The following DLG2 variants were observed in gnomAD, a reference collection of about 807,000 sequenced individuals.
DLG2 encodes the protein disks large homolog 2.
Under a neutral mutation model 132.5 loss-of-function variants are expected in DLG2, and 45 were observed. The ratio of observed to expected loss-of-function variants is 0.34; its 90% CI spans 0.27 to 0.44. The LOEUF is 0.44. DLG2 is among the 20% of genes least tolerant of loss of function. The pLI is 1.00. For synonymous variants in DLG2, 424 were observed against 419.6 expected, an observed-to-expected ratio of 1.01 and a Z score of -0.13; for missense variants, 1,045 against 1,196.9, an observed-to-expected ratio of 0.87 and a Z score of 1.87.
At chr11:85,466,014 G>A (rs2092776270) in intron 3 of DLG2, among the ~76,000 whole-genome samples, 1 of 152,126 alleles carries the variant, frequency 6.6e-6, no homozygotes. Flanking sequence ...GGCGTGAGAT[G>A]GTATCTCATT....
chr11:84,612,093 T>G (rs2154537808), intron 6 of DLG2, among the ~76,000 whole-genome samples: 1 of 152,288 alleles, frequency 6.6e-6, no homozygotes, highest in East Asian at 1.9e-4. Context: ...CTCTTTCCCT[T>G]TACAACTTTT....
chr11:84,137,497 G>T (rs1260791249), intron 9 of DLG2, among the ~76,000 whole-genome samples: 1 of 151,986 alleles, frequency 6.6e-6, no homozygotes, highest in Non-Finnish European at 1.5e-5. Context: ...CACATCTTGT[G>T]TTCGTTATTA....
At chr11:84,506,076 G>GTTTTTTTTTTTTT (rs559086542) in intron 7 of DLG2, among the ~76,000 whole-genome samples, 2 of 91,414 alleles carry the variant, frequency 2.2e-5, no homozygotes, top group African/African-American at 1.4e-4. Context: ...CAGAGGCTCA[G>GTTTTTTTTTTTTT]TTCTTTTTTT....
intron 6 of DLG2, among the ~76,000 whole-genome samples, chr11:84,741,365 T>G (rs564491634): frequency 1.3e-5 from 2 of 152,206 alleles, no homozygotes; most frequent in East Asian, 3.9e-4. Context: ...CCTATGCTCT[T>G]AATAAGAGTA....
intron 18 of DLG2, among the ~76,000 whole-genome samples, chr11:83,771,062 C>T (rs769872187): frequency 7.9e-5 from 12 of 152,292 alleles, no homozygotes; most frequent in Non-Finnish European, 1.3e-4. Flanking sequence ...TCTCCCACAC[C>T]CCTCCCAATA....
At chr11:85,520,498 C>T (rs2074213597) in intron 3 of DLG2, among the ~76,000 whole-genome samples, 1 of 131,556 alleles carries the variant, frequency 7.6e-6, no homozygotes, top group Admixed American at 8.1e-5. Flanking sequence ...AAAAATAGTC[C>T]TAAAATGTAT....
At chr11:83,642,696 T>C (rs1261069108) in intron 18 of DLG2, among the ~76,000 whole-genome samples, 3 of 152,180 alleles carry the variant, frequency 2.0e-5, no homozygotes, top group Admixed American at 2.0e-4. Context: ...CTTCCTGAAG[T>C]TGGCAAAGCT....
At chr11:85,056,220 G>A (rs995357101) in intron 6 of DLG2, among the ~76,000 whole-genome samples, 2 of 151,988 alleles carry the variant, frequency 1.3e-5, no homozygotes, top group African/African-American at 4.8e-5. Flanking sequence ...GCATCCCTAA[G>A]ATATGGGTAC....
At chr11:85,474,403 A>T (rs977323790) in intron 3 of DLG2, among the ~76,000 whole-genome samples, 1 of 152,028 alleles carries the variant, frequency 6.6e-6, no homozygotes, top group Non-Finnish European at 1.5e-5. Flanking sequence ...ACAAGAAAAA[A>T]TTAACAAGTT....
intron 6 of DLG2, among the ~76,000 whole-genome samples, chr11:84,630,255 G>T (rs929014609): frequency 1.3e-5 from 2 of 152,188 alleles, no homozygotes; most frequent in African/African-American, 4.8e-5. Flanking sequence ...AGGAGCCTAT[G>T]TCTGAGTAAA....
At chr11:83,979,520 C>T (rs1447419457) in intron 12 of DLG2, among the ~76,000 whole-genome samples, 1 of 152,168 alleles carries the variant, frequency 6.6e-6, no homozygotes, top group Non-Finnish European at 1.5e-5. Context: ...TTAACACAGT[C>T]CCAAATGCTT....
intron 11 of DLG2, among the ~76,000 whole-genome samples, chr11:84,029,838 A>G (rs890643461): frequency 2.2e-4 from 33 of 152,140 alleles, no homozygotes; most frequent in African/African-American, 7.5e-4. Context: ...ATATTTCATA[A>G]GGAAACAACA....
At chr11:84,195,365 C>T (rs1405159372) in intron 8 of DLG2, among the ~76,000 whole-genome samples, 1 of 152,106 alleles carries the variant, frequency 6.6e-6, no homozygotes, top group Non-Finnish European at 1.5e-5. Flanking sequence ...GGGTTTCACC[C>T]ATGTTGGCCA....
At chr11:85,096,273 C>T (rs1345183868) in intron 6 of DLG2, among the ~76,000 whole-genome samples, 1 of 152,184 alleles carries the variant, frequency 6.6e-6, no homozygotes, top group Non-Finnish European at 1.5e-5. Context: ...TTCTTTCGCT[C>T]TTCACAATAA....
intron 4 of DLG2, among the ~76,000 whole-genome samples, chr11:85,180,349 A>C (rs537554896): frequency 1.4e-4 from 21 of 151,894 alleles, no homozygotes; most frequent in African/African-American, 4.8e-4. Context: ...ATTTTGTTAA[A>C]CTTTTTTTAA....
At chr11:83,806,240 A>ACCCC (rs2045878535) in intron 17 of DLG2, among the ~76,000 whole-genome samples, 1 of 152,040 alleles carries the variant, frequency 6.6e-6, no homozygotes, top group Non-Finnish European at 1.5e-5. Flanking sequence ...TTACTCTTTT[A>ACCCC]TTATTATTTT....
rs553887223 is a variant in DLG2, at chr11:85,598,712, A to C, written c.-16T>G. 1 of 1,577,546 alleles carries C rather than the reference A, an allele frequency of 6.3e-7. No homozygotes were observed. The highest frequency in any genetic ancestry group is 1.2e-5 in the South Asian group (1 of 84,712). On this transcript the variant is annotated 5_prime_UTR_variant, in exon 3 of 28. The change abolishes an upstream ATG in the 5' untranslated region. Coordinates refer to ENST00000376104, the MANE Select transcript of DLG2 (RefSeq NM_001142699.3). ...AGATACCCATCACCTTTTTAACCGC[A>C]TTTTTCAACAGCTGCTCCTCTGGTT...
intron 4 of DLG2, among the ~76,000 whole-genome samples, chr11:85,243,331 C>G (rs183232969): frequency 6.6e-6 from 1 of 151,970 alleles, no homozygotes; most frequent in Non-Finnish European, 1.5e-5. Flanking sequence ...AGACATTGAG[C>G]TTTTCGAATT....
intron 10 of DLG2, among the ~76,000 whole-genome samples, chr11:84,079,275 TTTG>T (rs1169490280): frequency 3.8e-5 from 2 of 53,170 alleles, no homozygotes; most frequent in Non-Finnish European, 1.9e-4. Flanking sequence ...CTATTTTTGG[TTTG>T]TTTTTTTTTT....
Sources: allele counts gnomAD v4.1 joint callset (sites outside exome capture counted in the v4.1 genomes callset), GRCh38; gene constraint gnomAD v4.1.1; transcripts MANE v1.5; gene names NCBI Gene and HGNC (gene_info 2026-07-23, HGNC 2026-07-21).